Variants in PITPNC1 observed in about 807,000 individuals in gnomAD.
PITPNC1 encodes the protein phosphatidylinositol transfer protein cytoplasmic 1, also known as cytoplasmic phosphatidylinositol transfer protein 1.
In PITPNC1, 18 loss-of-function variants were observed where a neutral mutation model predicts 44.7. That is an observed-to-expected ratio of 0.40 (90% CI 0.28 to 0.60). The LOEUF is 0.60. Among genes scored for constraint, PITPNC1 ranks in the 20% least tolerant of loss-of-function variants. PITPNC1 has a pLI of 0.39. For missense variants in PITPNC1, 290 were observed against 418.4 expected (o/e 0.69, Z 2.68); for synonymous variants, 141 against 149.6 (o/e 0.94, Z 0.42).
At chr17:67,538,064 T>C (rs2040554018) in intron 2 of PITPNC1, among the ~76,000 whole-genome samples, 1 of 151,858 alleles carries the variant, frequency 6.6e-6, no homozygotes, top group South Asian at 2.1e-4. Context: ...CTACTAGATA[T>C]CATTATAAAG....
At chr17:67,453,072 A>C (rs1305599002) in intron 1 of PITPNC1, among the ~76,000 whole-genome samples, 6 of 152,122 alleles carry the variant, frequency 3.9e-5, no homozygotes, top group Non-Finnish European at 8.8e-5. Flanking sequence ...GCTTCTGCTC[A>C]CCTGTGAGCT....
At chr17:67,613,120 C>G (rs1353295495) in intron 5 of PITPNC1, 1 of 152,280 alleles carries the variant, frequency 6.6e-6, no homozygotes, top group Non-Finnish European at 1.5e-5. Flanking sequence ...TCACTTGAAC[C>G]CAGGAGGCAG....
chr17:67,605,232 A>G (rs945599979), intron 5 of PITPNC1, among the ~76,000 whole-genome samples: 9 of 152,148 alleles, frequency 5.9e-5, no homozygotes, highest in Non-Finnish European at 1.3e-4. Context: ...CATAGTCCCT[A>G]TGTGCCTTCC....
chr17:67,419,172 GAAA>G (rs34975055), intron 1 of PITPNC1, among the ~76,000 whole-genome samples: 1 of 148,398 alleles, frequency 6.7e-6, no homozygotes, highest in African/African-American at 2.5e-5. Flanking sequence ...GAGGAAGGGA[GAAA>G]AAAAAAAATG....
intron 1 of PITPNC1, among the ~76,000 whole-genome samples, chr17:67,386,658 T>C (rs562033433): frequency 6.6e-6 from 1 of 152,306 alleles, no homozygotes; most frequent in South Asian, 2.1e-4. Flanking sequence ...GAAGCAGTAA[T>C]TACTGGAAAA....
chr17:67,631,338 A>G (rs1196816545), intron 5 of PITPNC1, among the ~76,000 whole-genome samples: 1 of 150,680 alleles, frequency 6.6e-6, no homozygotes, highest in Non-Finnish European at 1.5e-5. Context: ...AAATATATAT[A>G]AAAATATATG....
chr17:67,443,832 G>C (rs1243510750), intron 1 of PITPNC1, among the ~76,000 whole-genome samples: 1 of 151,702 alleles, frequency 6.6e-6, no homozygotes, highest in Non-Finnish European at 1.5e-5. Flanking sequence ...ACGGGGTTTT[G>C]CCATGTTGGC....
At chr17:67,566,623 A>G (rs2040984643) in intron 4 of PITPNC1, among the ~76,000 whole-genome samples, 1 of 152,232 alleles carries the variant, frequency 6.6e-6, no homozygotes, top group Non-Finnish European at 1.5e-5. Flanking sequence ...CTAAAGGAAT[A>G]CCAATGAATT....
chr17:67,591,053 C>G (rs1300441356), intron 5 of PITPNC1, among the ~76,000 whole-genome samples: 2 of 152,068 alleles, frequency 1.3e-5, no homozygotes, highest in Admixed American at 6.5e-5. Context: ...AATCCTGGAA[C>G]AAACTAGCAT....
intron 4 of PITPNC1, among the ~76,000 whole-genome samples, chr17:67,575,762 T>G (rs2041132206): frequency 9.4e-6 from 1 of 106,082 alleles, no homozygotes; most frequent in Non-Finnish European, 2.1e-5. Context: ...CTGAAGAATT[T>G]GCCTTTCTTT....
intron 4 of PITPNC1, among the ~76,000 whole-genome samples, chr17:67,565,828 T>C (rs1167486781): frequency 6.6e-6 from 1 of 152,048 alleles, no homozygotes; most frequent in East Asian, 1.9e-4. Context: ...TGTATATTAG[T>C]TTTCCATGTT....
At chr17:67,494,185 T>TTC in intron 1 of PITPNC1, among the ~76,000 whole-genome samples, 6,783 of 102,202 alleles carry the variant, frequency 0.066, 467 homozygotes, top group Middle Eastern at 0.083. Flanking sequence ...CTTTCTTTCT[T>TTC]TTTCTTTCTT....
chr17:67,657,274 A>T, intron 6 of PITPNC1, among the ~76,000 whole-genome samples: 1 of 151,346 alleles, frequency 6.6e-6, no homozygotes, highest in African/African-American at 2.4e-5. Context: ...CCTTTCCCTT[A>T]CCTCCCTCTA....
At chr17:67,529,588 C>T (rs143598534) in intron 1 of PITPNC1, among the ~76,000 whole-genome samples, 162 of 152,308 alleles carry the variant, frequency 1.1e-3, no homozygotes, top group African/African-American at 3.7e-3. Flanking sequence ...GGAACCCCTG[C>T]ACCTGTTGCA....
chr17:67,595,786 A>C (rs777294915), intron 5 of PITPNC1, among the ~76,000 whole-genome samples: 6 of 152,208 alleles, frequency 3.9e-5, no homozygotes, highest in Non-Finnish European at 8.8e-5. Flanking sequence ...TTTTATGGCC[A>C]TTTGGTACAT....
At chr17:67,687,206 T>C (rs374452673) in intron 8 of PITPNC1, 2 of 1,259,322 alleles carry the variant, frequency 1.6e-6, no homozygotes, top group Non-Finnish European at 2.3e-6. Flanking sequence ...TTTTAAAACA[T>C]GTTGCCCACC....
At chr17:67,454,761 C>T (rs1206379397) in intron 1 of PITPNC1, among the ~76,000 whole-genome samples, 4 of 152,044 alleles carry the variant, frequency 2.6e-5, no homozygotes, top group Non-Finnish European at 5.9e-5. Context: ...AGTATGTTGC[C>T]CCATAGCCTT....
At chr17:67,489,617 A>G (rs935171056) in intron 1 of PITPNC1, among the ~76,000 whole-genome samples, 3 of 152,148 alleles carry the variant, frequency 2.0e-5, no homozygotes, top group African/African-American at 7.2e-5. Context: ...CAGCATGGGG[A>G]CTTTTGAAAG....
intron 4 of PITPNC1, among the ~76,000 whole-genome samples, chr17:67,572,478 G>GT (rs912562457): frequency 8.6e-6 from 1 of 115,946 alleles, no homozygotes; most frequent in African/African-American, 3.2e-5. Context: ...CGGGGGGGGG[G>GT]GGTAAAGAAG....
Sources: gnomAD v4.1 joint callset for allele counts (sites outside exome capture counted in the v4.1 genomes callset) on GRCh38, gnomAD v4.1.1 for gene constraint, MANE v1.5 for transcripts, NCBI Gene and HGNC (gene_info 2026-07-23, HGNC 2026-07-21) for gene names.